Variants in GULP1 observed in about 807,000 individuals in gnomAD.
GULP1 encodes GULP PTB domain containing engulfment adaptor 1.
A neutral mutation model predicts 40.9 loss-of-function variants in GULP1; 19 were observed. The observed-to-expected ratio is 0.46, with a 90% confidence interval of 0.32 to 0.68. The LOEUF is 0.68. Among genes scored for constraint, GULP1 ranks in the 30% least tolerant of loss-of-function variants. The probability of loss-of-function intolerance (pLI) is 0.03; values close to 1 mark genes in which losing one functional copy is unlikely to be tolerated. For missense variants in GULP1, 312 were observed against 362.2 expected, an observed-to-expected ratio of 0.86 and a Z score of 1.12; for synonymous variants, 119 against 117.6, an observed-to-expected ratio of 1.01 and a Z score of -0.08.
intron 3 of GULP1, among the ~76,000 whole-genome samples, chr2:188,481,597 C>A (rs2061451660): frequency 6.6e-6 from 1 of 151,870 alleles, no homozygotes; most frequent in Non-Finnish European, 1.5e-5. Flanking sequence ...CAATATGAGT[C>A]TGTAACAGAG....
intron 2 of GULP1, among the ~76,000 whole-genome samples, chr2:188,406,157 G>C (rs1484374177): frequency 6.6e-6 from 1 of 152,084 alleles, no homozygotes; most frequent in South Asian, 2.1e-4. Context: ...ATACCTATAT[G>C]GTATATATCA....
At chr2:188,392,598 T>A (rs763481627) in intron 2 of GULP1, among the ~76,000 whole-genome samples, 1 of 152,090 alleles carries the variant, frequency 6.6e-6, no homozygotes, top group Non-Finnish European at 1.5e-5. Flanking sequence ...CATTTAGTTC[T>A]GCTCTGATCC....
chr2:188,415,475 G>A (rs1001482193), intron 2 of GULP1, among the ~76,000 whole-genome samples: 1 of 151,766 alleles, frequency 6.6e-6, no homozygotes, highest in Non-Finnish European at 1.5e-5. Context: ...ATAATTTGGA[G>A]AGTGTGCCAC....
At chr2:188,397,737 A>G (rs2051489306) in intron 2 of GULP1, among the ~76,000 whole-genome samples, 1 of 152,214 alleles carries the variant, frequency 6.6e-6, no homozygotes, top group South Asian at 2.1e-4. Flanking sequence ...CTACAACTGC[A>G]GTCATTCACA....
chr2:188,452,670 T>G (rs1277599110), intron 2 of GULP1, among the ~76,000 whole-genome samples: 1 of 152,198 alleles, frequency 6.6e-6, no homozygotes, highest in African/African-American at 2.4e-5. Flanking sequence ...TGACATGTGC[T>G]CCTACCTACT....
At chr2:188,300,142 A>T (rs187816349) in intron 1 of GULP1, among the ~76,000 whole-genome samples, 14 of 152,164 alleles carry the variant, frequency 9.2e-5, no homozygotes, top group Non-Finnish European at 2.1e-4. Context: ...CACAAGGAGT[A>T]GGTTGTGCTC....
intron 1 of GULP1, among the ~76,000 whole-genome samples, chr2:188,340,700 C>G (rs1167907775): frequency 6.6e-6 from 1 of 152,088 alleles, no homozygotes; most frequent in Non-Finnish European, 1.5e-5. Flanking sequence ...GCATCAGCAC[C>G]CGTCACACCC....
At chr2:188,393,702 A>T (rs1386745375) in intron 2 of GULP1, among the ~76,000 whole-genome samples, 7 of 152,052 alleles carry the variant, frequency 4.6e-5, no homozygotes, top group Non-Finnish European at 4.4e-5. Flanking sequence ...TTCTGTTTTG[A>T]TGCATATTCA....
At position 188,594,245 on chromosome 2, in the gene GULP1, T is replaced by C. The variant is rs1704127448; in HGVS notation, c.*234T>C. The C allele has an allele frequency of 6.4e-6, 2 of 310,678 alleles. No homozygotes were observed. Among genetic ancestry groups the C allele is most frequent in the Non-Finnish European group, 1.2e-5 (2 of 169,860 alleles). The allele number at this position is 310,678 out of a possible 1,614,324, so 19.2% of individuals were successfully genotyped here. A position where few individuals can be genotyped will look rare whatever the true frequency, so the allele number is the denominator to read the frequency against. Reference sequence around the variant, plus strand: ...TTTATGTTCCTTTCTGTTTCTACTGTAGATGAATTTGTAATTGAAAGACAT... The same window carrying C: ...TTTATGTTCCTTTCTGTTTCTACTGCAGATGAATTTGTAATTGAAAGACAT... On this transcript the variant is annotated 3_prime_UTR_variant, in exon 12 of 12. Transcript: ENST00000409830.
chr2:188,338,886 G>C (rs1229399589), intron 1 of GULP1, among the ~76,000 whole-genome samples: 2 of 152,124 alleles, frequency 1.3e-5, no homozygotes, highest in African/African-American at 4.8e-5. Flanking sequence ...TCCACTCTGT[G>C]TGGAAGTTCT....
chr2:188,338,201 A>T (rs1024521468), intron 1 of GULP1, among the ~76,000 whole-genome samples: 8 of 151,848 alleles, frequency 5.3e-5, no homozygotes, highest in Non-Finnish European at 1.0e-4. Context: ...CCTCTCTGAG[A>T]TCACCCCTCA....
chr2:188,399,111 G>C (rs2051718055), intron 2 of GULP1, among the ~76,000 whole-genome samples: 1 of 152,146 alleles, frequency 6.6e-6, no homozygotes, highest in African/African-American at 2.4e-5. Flanking sequence ...CTTATTCTTA[G>C]ATCACAAGTA....
At chr2:188,448,661 T>G (rs898257993) in intron 2 of GULP1, among the ~76,000 whole-genome samples, 1 of 152,158 alleles carries the variant, frequency 6.6e-6, no homozygotes, top group Non-Finnish European at 1.5e-5. Flanking sequence ...ATAGAACATA[T>G]GTGATATGGT....
At chr2:188,501,904 T>C (rs2063469036) in intron 4 of GULP1, among the ~76,000 whole-genome samples, 1 of 151,958 alleles carries the variant, frequency 6.6e-6, no homozygotes, top group South Asian at 2.1e-4. Context: ...CCAGGCAGGC[T>C]GTCTCCCCTC....
chr2:188,484,094 G>A (rs1438094974), intron 4 of GULP1, among the ~76,000 whole-genome samples: 2 of 151,970 alleles, frequency 1.3e-5, no homozygotes, highest in African/African-American at 4.8e-5. Context: ...TTTTAGAAGA[G>A]ACGGGGTTTC....
chr2:188,495,235 G>C (rs1241822222), intron 4 of GULP1, among the ~76,000 whole-genome samples: 1 of 152,030 alleles, frequency 6.6e-6, no homozygotes, highest in Non-Finnish European at 1.5e-5. Context: ...GGGAACTCAA[G>C]CCAGACCAGA....
At chr2:188,573,070 G>A (rs534845622) in intron 9 of GULP1, among the ~76,000 whole-genome samples, 149 of 152,146 alleles carry the variant, frequency 9.8e-4, no homozygotes, top group African/African-American at 3.5e-3. Context: ...GAACTCAAGA[G>A]CATTTTAAAA....
chr2:188,346,491 C>A (rs1202075563), intron 1 of GULP1, among the ~76,000 whole-genome samples: 1 of 150,398 alleles, frequency 6.6e-6, no homozygotes, highest in Non-Finnish European at 1.5e-5. Context: ...TTTTTTCTTT[C>A]TTTTCTTCTT....
At chr2:188,532,971 A>T (rs1019437897) in intron 6 of GULP1, among the ~76,000 whole-genome samples, 1 of 152,114 alleles carries the variant, frequency 6.6e-6, no homozygotes, top group African/African-American at 2.4e-5. Flanking sequence ...TAAAGACTTA[A>T]TCAACAAGTT....
Sources: allele counts gnomAD v4.1 joint callset (sites outside exome capture counted in the v4.1 genomes callset), GRCh38; gene constraint gnomAD v4.1.1; transcripts MANE v1.5; gene names NCBI Gene and HGNC (gene_info 2026-07-23, HGNC 2026-07-21).